The following RALGPS2 variants were observed in gnomAD, a reference collection of about 807,000 sequenced individuals.
RALGPS2 encodes Ral GEF with PH domain and SH3 binding motif 2.
In RALGPS2, 43 loss-of-function variants were observed where a neutral mutation model predicts 86.8. The observed-to-expected ratio is 0.50, with a 90% CI of 0.39 to 0.64. The LOEUF (loss-of-function observed/expected upper bound fraction) is 0.64, where lower values mean the gene tolerates loss of function less well. Ranked by LOEUF, RALGPS2 falls within the 30% of genes least tolerant of loss-of-function variation. The probability of loss-of-function intolerance (pLI) is 0.00; values close to 1 mark genes in which losing one functional copy is unlikely to be tolerated. For synonymous variants in RALGPS2, 243 were observed against 231.3 expected (o/e 1.05, Z -0.46); for missense variants, 536 against 694.6 (o/e 0.77, Z 2.57).
chr1:178,880,048 T>A (rs185005555), intron 10 of RALGPS2, among the ~76,000 whole-genome samples: 156 of 152,268 alleles, frequency 1.0e-3, no homozygotes, highest in African/African-American at 3.4e-3. Context: ...AAAAGTTTAT[T>A]TAGCTTTATT....
At chr1:178,866,078 C>T (rs1658387312) in intron 8 of RALGPS2, among the ~76,000 whole-genome samples, 1 of 152,124 alleles carries the variant, frequency 6.6e-6, no homozygotes, top group Non-Finnish European at 1.5e-5. Flanking sequence ...AGATTTTGGT[C>T]AGTGTCTACT....
Position 178,897,775 on chromosome 1 carries a change from C to T in RALGPS2, c.1524+19C>T. 6.3e-7 allele frequency: 1 copy of T among 1,590,244 alleles called. No homozygotes were observed. The highest frequency in any genetic ancestry group is 8.6e-7 in the Non-Finnish European group (1 of 1,159,154). The stretch of plus-strand genomic sequence containing the variant: ...AAAACATGTAAGTATTTGTTCTCTA[C>T]ATTTTTAGCGTGGTTTCCCAGACTG... On this transcript the variant is annotated intron_variant, in intron 17 of 19. Coordinates refer to ENST00000367635, the MANE Select transcript of RALGPS2 (RefSeq NM_152663.5).
intron 1 of RALGPS2, among the ~76,000 whole-genome samples, chr1:178,734,020 T>C (rs76988920): frequency 0.012 from 1,832 of 152,178 alleles, 54 homozygotes; most frequent in African/African-American, 0.042. Context: ...TATAACTCAA[T>C]AATAAAAAGA....
intron 1 of RALGPS2, among the ~76,000 whole-genome samples, chr1:178,736,702 C>T (rs1650727039): frequency 6.6e-6 from 1 of 151,962 alleles, no homozygotes; most frequent in Non-Finnish European, 1.5e-5. Context: ...GTTTAAGACC[C>T]AGCCTGGGCA....
chr1:178,857,182 C>T (rs1035727545), intron 8 of RALGPS2, among the ~76,000 whole-genome samples: 1 of 152,196 alleles, frequency 6.6e-6, no homozygotes, highest in African/African-American at 2.4e-5. Context: ...TAGATTATTG[C>T]GTGTAATGCA....
intron 8 of RALGPS2, among the ~76,000 whole-genome samples, chr1:178,845,115 A>C (rs886720324): frequency 6.6e-6 from 1 of 152,106 alleles, no homozygotes; most frequent in Non-Finnish European, 1.5e-5. Context: ...AAAAAAAAAA[A>C]AACCATATTT....
intron 4 of RALGPS2, among the ~76,000 whole-genome samples, chr1:178,786,511 G>A (rs924005779): frequency 6.6e-6 from 1 of 151,642 alleles, no homozygotes; most frequent in African/African-American, 2.4e-5. Context: ...TAAGCATGGG[G>A]GTGTGTGTGT....
rs1658951262 is a variant in RALGPS2 at position 178,875,319 on chromosome 1, A to G, written c.608-2179A>G. Among the ~76,000 whole-genome samples the G allele has an allele frequency of 1.3e-5, 2 of 152,260 alleles. 1 individual carries two copies. Among genetic ancestry groups the G allele is most frequent in the South Asian group, 4.1e-4 (2 of 4,836 alleles). ...TTACATTAAAAATAGAACGAAGAAT[A>G]AAAGAAGTGTACTATTGTATGTTTC... is the stretch of plus-strand genomic sequence containing the variant. On this transcript the variant is annotated intron_variant, in intron 8 of 19. Coordinates refer to ENST00000367635, the MANE Select transcript of RALGPS2 (RefSeq NM_152663.5).
At chr1:178,812,203 A>T (rs1203316733) in intron 6 of RALGPS2, among the ~76,000 whole-genome samples, 1 of 151,758 alleles carries the variant, frequency 6.6e-6, no homozygotes, top group Non-Finnish European at 1.5e-5. Context: ...GTTTTGGGGG[A>T]GGGGGTACAT....
intron 8 of RALGPS2, chr1:178,850,502 T>G (rs1657099924): frequency 6.6e-6 from 1 of 150,988 alleles, no homozygotes; most frequent in Admixed American, 6.6e-5. Flanking sequence ...GCATTATTTT[T>G]GGGTTTTTTT....
rs557855531 is a variant in RALGPS2, at chr1:178,745,287, G to A, written c.-84+19868G>A. Among the ~76,000 whole-genome samples the A allele has an allele frequency of 1.1e-4, 17 of 152,250 alleles. No homozygotes were observed. The South Asian group carries it at 1.2e-3, about 11-fold the overall frequency. ...AATTGGCAAGCTGATTCTAAAATTC[G>A]TGTGGAAATGTAAAGGACGTAGAAT... On this transcript the variant is annotated intron_variant, in intron 1 of 19. Coordinates refer to ENST00000367635, the MANE Select transcript of RALGPS2 (RefSeq NM_152663.5).
At chr1:178,827,381 C>T (rs997081471) in intron 7 of RALGPS2, among the ~76,000 whole-genome samples, 1 of 150,862 alleles carries the variant, frequency 6.6e-6, no homozygotes, top group South Asian at 2.1e-4. Flanking sequence ...CTAGAGACAT[C>T]ATACTCTCTG....
At chr1:178,752,463 A>G (rs1049991059) in intron 1 of RALGPS2, among the ~76,000 whole-genome samples, 1 of 151,958 alleles carries the variant, frequency 6.6e-6, no homozygotes, top group Non-Finnish European at 1.5e-5. Flanking sequence ...TTGCCTGGCC[A>G]TAGTAGCTTT....
intron 13 of RALGPS2, among the ~76,000 whole-genome samples, chr1:178,888,521 A>T (rs568387236): frequency 6.6e-6 from 1 of 152,164 alleles, no homozygotes; most frequent in Non-Finnish European, 1.5e-5. Flanking sequence ...TCTGAGCTTC[A>T]TGCTTACATT....
intron 17 of RALGPS2, 113 bp downstream of exon 17, chr1:178,897,869 A>G (rs935435831): frequency 4.0e-6 from 3 of 751,644 alleles, no homozygotes; most frequent in Non-Finnish European, 6.5e-6. Context: ...GTTTTTTCCT[A>G]TCTTCTAGTC....
chr1:178,760,347 T>G (rs188714291), intron 1 of RALGPS2, among the ~76,000 whole-genome samples: 1 of 152,324 alleles, frequency 6.6e-6, no homozygotes, highest in East Asian at 1.9e-4. Flanking sequence ...AAGGTACTTG[T>G]TTTATAAATC....
At chr1:178,844,053 A>C (rs1273974984) in intron 8 of RALGPS2, among the ~76,000 whole-genome samples, 1 of 152,212 alleles carries the variant, frequency 6.6e-6, no homozygotes, top group Non-Finnish European at 1.5e-5. Flanking sequence ...TACAGTTGAC[A>C]AAAACTTCAG....
intron 1 of RALGPS2, among the ~76,000 whole-genome samples, chr1:178,729,561 A>C (rs1650220168): frequency 6.6e-6 from 1 of 152,234 alleles, no homozygotes; most frequent in African/African-American, 2.4e-5. Flanking sequence ...AGGGTTATAC[A>C]GGTTGAGCAT....
chr1:178,861,942 G>A (rs1377458544), intron 8 of RALGPS2, among the ~76,000 whole-genome samples: 3 of 151,838 alleles, frequency 2.0e-5, no homozygotes, highest in South Asian at 2.1e-4. Context: ...GTGCGATCTC[G>A]GCTCACTGCA....
Sources: gnomAD v4.1 joint callset for allele counts (sites outside exome capture counted in the v4.1 genomes callset) on GRCh38, gnomAD v4.1.1 for gene constraint, MANE v1.5 for transcripts, NCBI Gene and HGNC (gene_info 2026-07-23, HGNC 2026-07-21) for gene names.